The following DNAH17 variants were observed in gnomAD, a reference collection of about 807,000 sequenced individuals.
The protein encoded by DNAH17 is axonemal beta dynein heavy chain 17.
Under a neutral mutation model 485.6 loss-of-function variants are expected in DNAH17, and 376 were observed. The ratio of observed to expected loss-of-function variants is 0.77; its 90% CI spans 0.71 to 0.84. DNAH17 has a LOEUF of 0.84. Ranked by LOEUF, DNAH17 falls within the 40% of genes least tolerant of loss-of-function variation. The probability of loss-of-function intolerance (pLI) is 0.00; values close to 1 mark genes in which losing one functional copy is unlikely to be tolerated. For synonymous variants in DNAH17, 3,031 were observed against 2,405.9 expected (o/e 1.26, Z -7.60); for missense variants, 6,370 against 5,839.3 (o/e 1.09, Z -2.96).
At position 78,450,855 on chromosome 17, in the gene DNAH17, G is replaced by A. The variant is rs201177823; in HGVS notation, c.10735-9C>T. The A allele has an allele frequency of 9.9e-6, 16 of 1,613,114 alleles. No individual in the cohort carries two copies. Among genetic ancestry groups the A allele is most frequent in the East Asian group, 6.7e-5 (3 of 44,886 alleles). On this transcript the variant is annotated splice_polypyrimidine_tract_variant and intron_variant, in intron 66 of 80. Transcript: ENST00000389840. Reference sequence around the variant, plus strand: ...GACTTGGTGAGGTTTGCCTGCAAGGGGAGGTGCAGGAGTCACTGCATTGCC... The same window carrying A: ...GACTTGGTGAGGTTTGCCTGCAAGGAGAGGTGCAGGAGTCACTGCATTGCC...
intron 54 of DNAH17, 150 bp from the exon 55 acceptor site, chr17:78,469,033 G>A (rs553335254): frequency 2.5e-4 from 249 of 982,060 alleles, no homozygotes; most frequent in Non-Finnish European, 2.8e-4. Context: ...GCACAATCTC[G>A]GCTCACTGCA....
chr17:78,543,288 T>TA (rs2091653725), intron 17 of DNAH17, among the ~76,000 whole-genome samples: 3 of 16,632 alleles, frequency 1.8e-4, no homozygotes, highest in African/African-American at 8.9e-4. Flanking sequence ...TTAATTTTTG[T>TA]TTTTTTTTTT....
intron 70 of DNAH17, among the ~76,000 whole-genome samples, chr17:78,445,004 G>A (rs565256441): frequency 3.9e-5 from 6 of 152,136 alleles, no homozygotes; most frequent in South Asian, 4.1e-4. Flanking sequence ...GAGCCTCCTC[G>A]GCAGGGTCTA....
At chr17:78,521,449 T>G (rs2090932016) in intron 25 of DNAH17, among the ~76,000 whole-genome samples, 2 of 152,154 alleles carry the variant, frequency 1.3e-5, no homozygotes, top group South Asian at 4.1e-4. Flanking sequence ...CCGACTTGTC[T>G]ACAAACATGC....
chr17:78,435,401 C>G (rs948905283), intron 74 of DNAH17, among the ~76,000 whole-genome samples: 2 of 152,290 alleles, frequency 1.3e-5, no homozygotes, highest in African/African-American at 4.8e-5. Flanking sequence ...AGGCCCACAG[C>G]CCCTCCGAGG....
At chr17:78,563,116 T>C (rs1021546600) in intron 11 of DNAH17, among the ~76,000 whole-genome samples, 1 of 152,068 alleles carries the variant, frequency 6.6e-6, no homozygotes, top group African/African-American at 2.4e-5. Context: ...CCCCCAAGAG[T>C]ACAGATTTCC....
At chr17:78,526,204 C>T (rs1031300331) in intron 24 of DNAH17, among the ~76,000 whole-genome samples, 12 of 151,940 alleles carry the variant, frequency 7.9e-5, no homozygotes, top group East Asian at 2.0e-4. Context: ...AGTGGGAACA[C>T]GAGTGAAGCC....
At chr17:78,550,037 CAG>C (rs1224082867) in intron 16 of DNAH17, among the ~76,000 whole-genome samples, 2 of 152,180 alleles carry the variant, frequency 1.3e-5, no homozygotes, top group Non-Finnish European at 2.9e-5. Context: ...GCCACACGTG[CAG>C]AGACAGACAA....
chr17:78,536,982 T>C (rs1291597848), intron 19 of DNAH17, among the ~76,000 whole-genome samples: 2 of 151,954 alleles, frequency 1.3e-5, no homozygotes, highest in African/African-American at 2.4e-5. Flanking sequence ...CAGACCATCC[T>C]GGCTAACACG....
At chr17:78,527,754 A>G (rs2091117308) in intron 22 of DNAH17, among the ~76,000 whole-genome samples, 1 of 152,134 alleles carries the variant, frequency 6.6e-6, no homozygotes, top group African/African-American at 2.4e-5. Context: ...CACTTGGGTA[A>G]ATACTATAGT....
rs192439886 is a variant in DNAH17 at position 78,449,776 on chromosome 17, G to A, written c.11041-192C>T. ...CACTGCACCCTCTGCAGTGAGGGAG[G>A]TTGCAGTGTTCAAGCGATTCTCCTG... On this transcript the variant is annotated intron_variant, in intron 68 of 80. Coordinates refer to ENST00000389840, the MANE Select transcript of DNAH17 (RefSeq NM_173628.4). The A allele has an allele frequency of 4.1e-5, 24 of 580,020 alleles. No homozygotes were observed. In the East Asian group the frequency reaches 6.7e-4, roughly 16 times the overall value. The allele number at this position is 580,020 out of a possible 1,614,324, so 35.9% of individuals were successfully genotyped here.
Position 78,427,920 on chromosome 17 carries a change from C to T in DNAH17, c.12588+605G>A, listed in dbSNP as rs570637591. Among the ~76,000 whole-genome samples, 8 of 142,372 alleles carry T rather than the reference C, an allele frequency of 5.6e-5. No individual in the cohort carries two copies. In the South Asian group the frequency reaches 8.6e-4, roughly 15 times the overall value. 93.4% of individuals were successfully genotyped at this position (142,372 alleles called of 152,430 possible). On this transcript the variant is annotated intron_variant, in intron 77 of 80. Coordinates refer to ENST00000389840, the MANE Select transcript of DNAH17 (RefSeq NM_173628.4). ...GGCGGAGGTTGCAGTGAGCCGAGAT[C>T]GTGCCATTGCACTCCAGCCTGGGCA...
chr17:78,495,490 T>C (rs112801892), intron 38 of DNAH17, among the ~76,000 whole-genome samples: 318 of 148,432 alleles, frequency 2.1e-3, no homozygotes, highest in Non-Finnish European at 4.0e-3. Flanking sequence ...CAGGCTGGAG[T>C]GCAATGGTGC....
Position 78,425,449 on chromosome 17 carries a change from G to A in DNAH17, c.13038C>T (p.Pro4346=). ...MQSMARKNEW[P]LDKMCLSVEV... ...CGACAGACAGACACATCTTGTCCAG[G>A]GGCCACTCGTTCTTCCTGGCCATGG... The change falls in exon 80 of 81, where the codon CCC becomes CCT. Residue 4346 remains proline (P), a synonymous_variant. Coordinates refer to ENST00000389840, the MANE Select transcript of DNAH17 (RefSeq NM_173628.4). The A allele has an allele frequency of 3.7e-6, 6 of 1,614,004 alleles. No individual in the cohort carries two copies. The highest frequency in any genetic ancestry group is 4.2e-6 in the Non-Finnish European group (5 of 1,179,912).
In DNAH17 at chr17:78,511,211, G is replaced by A. The variant is rs1008343027; in HGVS notation, c.4114-705C>T. Among the ~76,000 whole-genome samples the A allele has an allele frequency of 1.7e-4, 26 of 152,198 alleles. 1 individual carries two copies. The highest frequency in any genetic ancestry group is 4.6e-4 in the African/African-American group (19 of 41,446). ...GAACCTCCACCTCCCGGGTTCAAGC[G>A]ATTCTCCTGCCTCAGCCTCCCAAGT... is the stretch of plus-strand genomic sequence containing the variant. On this transcript the variant is annotated intron_variant, in intron 26 of 80. Coordinates refer to ENST00000389840, the MANE Select transcript of DNAH17 (RefSeq NM_173628.4).
At chr17:78,557,429 C>T (rs989222651) in intron 14 of DNAH17, among the ~76,000 whole-genome samples, 1 of 151,810 alleles carries the variant, frequency 6.6e-6, no homozygotes, top group African/African-American at 2.4e-5. Flanking sequence ...ACCAGCCTGG[C>T]CAATGTGGTG....
intron 62 of DNAH17, among the ~76,000 whole-genome samples, chr17:78,456,252 T>C (rs1470438582): frequency 2.6e-5 from 4 of 152,148 alleles, no homozygotes; most frequent in Non-Finnish European, 5.9e-5. Flanking sequence ...GGAGCCGAGA[T>C]TGGGCCACTG....
At chr17:78,529,184 C>A (rs1210309446) in intron 22 of DNAH17, among the ~76,000 whole-genome samples, 2 of 152,118 alleles carry the variant, frequency 1.3e-5, no homozygotes, top group Admixed American at 6.6e-5. Flanking sequence ...AGGCAATCTG[C>A]CCACCTTGGC....
chr17:78,575,878 T>G (rs1474251876), intron 1 of DNAH17, among the ~76,000 whole-genome samples: 2 of 152,200 alleles, frequency 1.3e-5, no homozygotes, highest in Admixed American at 1.3e-4. Context: ...TGCAAACAAA[T>G]TTATGAACAA....
Sources: allele counts gnomAD v4.1 joint callset (sites outside exome capture counted in the v4.1 genomes callset), GRCh38; gene constraint gnomAD v4.1.1; transcripts MANE v1.5; gene names NCBI Gene and HGNC (gene_info 2026-07-23, HGNC 2026-07-21).